Variants in ARSB observed in about 807,000 individuals in gnomAD.
The protein encoded by ARSB is arylsulfatase B.
A neutral mutation model predicts 50.9 loss-of-function variants in ARSB; 41 were observed. The observed-to-expected ratio is 0.81, with a 90% CI of 0.63 to 1.04. ARSB has a LOEUF of 1.04. Ranked by LOEUF, ARSB falls within the 50% of genes least tolerant of loss-of-function variation. ARSB has a pLI of 0.00. For missense variants in ARSB, 672 were observed against 693.3 expected, an observed-to-expected ratio of 0.97 and a Z score of 0.35; for synonymous variants, 269 against 284.8, an observed-to-expected ratio of 0.94 and a Z score of 0.56.
intron 4 of ARSB, among the ~76,000 whole-genome samples, chr5:78,950,716 G>A (rs1751460104): frequency 6.6e-6 from 1 of 152,142 alleles, no homozygotes; most frequent in African/African-American, 2.4e-5. Flanking sequence ...AACTCTGTGA[G>A]GTGTATGCAT....
intron 4 of ARSB, among the ~76,000 whole-genome samples, chr5:78,890,251 CTTTT>C (rs55797488): frequency 5.9e-5 from 8 of 134,884 alleles, no homozygotes; most frequent in Non-Finnish European, 4.8e-5. Flanking sequence ...CAAATCTTAT[CTTTT>C]TTTTTTTTTT....
At chr5:78,934,765 C>T (rs181538877) in intron 4 of ARSB, among the ~76,000 whole-genome samples, 5 of 151,924 alleles carry the variant, frequency 3.3e-5, no homozygotes, top group East Asian at 3.9e-4. Flanking sequence ...CACTGCACTA[C>T]GGCCTGGGTG....
At chr5:78,823,841 G>A (rs1744329822) in intron 6 of ARSB, among the ~76,000 whole-genome samples, 1 of 152,190 alleles carries the variant, frequency 6.6e-6, no homozygotes, top group South Asian at 2.1e-4. Flanking sequence ...AATGTAAATT[G>A]CTATACAACT....
intron 7 of ARSB, 62 bp from the exon 8 acceptor site, chr5:78,780,724 G>A: frequency 6.3e-7 from 1 of 1,599,926 alleles, no homozygotes; most frequent in Middle Eastern, 1.7e-4. Context: ...CTAATTTCAG[G>A]GAAGGAGTCT....
chr5:78,841,319 G>A (rs916316676), intron 5 of ARSB, among the ~76,000 whole-genome samples: 3 of 152,052 alleles, frequency 2.0e-5, no homozygotes, highest in African/African-American at 4.8e-5. Context: ...GACAAAGTGA[G>A]ACTCTGTCTT....
chr5:78,841,509 C>A (rs1745213130), intron 5 of ARSB, among the ~76,000 whole-genome samples: 1 of 151,920 alleles, frequency 6.6e-6, no homozygotes, highest in Non-Finnish European at 1.5e-5. Context: ...ATTTTTAGGG[C>A]AACTATTAAA....
chr5:78,867,127 T>C (rs10755301), intron 5 of ARSB, among the ~76,000 whole-genome samples: 94,107 of 151,678 alleles, frequency 0.62, 29,576 homozygotes, highest in Middle Eastern at 0.67. Flanking sequence ...AAAAACGGCG[T>C]ACCACGAGAC....
intron 4 of ARSB, among the ~76,000 whole-genome samples, chr5:78,940,872 G>A (rs1460538309): frequency 1.3e-5 from 2 of 152,132 alleles, no homozygotes; most frequent in Non-Finnish European, 2.9e-5. Context: ...AATTACCTTG[G>A]GCAGTATGGC....
chr5:78,901,157 T>G (rs1332430467), intron 4 of ARSB, among the ~76,000 whole-genome samples: 3 of 152,004 alleles, frequency 2.0e-5, no homozygotes, highest in Non-Finnish European at 4.4e-5. Context: ...CCGATTGCAC[T>G]GGTCCAACCA....
intron 6 of ARSB, among the ~76,000 whole-genome samples, chr5:78,830,553 G>A (rs369461021): frequency 2.4e-4 from 37 of 152,216 alleles, no homozygotes; most frequent in African/African-American, 7.5e-4. Context: ...GTATTTTCTC[G>A]GGATGAAAGC....
chr5:78,832,881 G>C (rs748117694), intron 6 of ARSB, among the ~76,000 whole-genome samples: 9 of 152,140 alleles, frequency 5.9e-5, no homozygotes, highest in Non-Finnish European at 1.2e-4. Context: ...TGTGTCTCCT[G>C]TGTGTGCGTA....
chr5:78,840,828 C>T (rs563362314), intron 5 of ARSB, among the ~76,000 whole-genome samples: 4 of 152,184 alleles, frequency 2.6e-5, no homozygotes, highest in Non-Finnish European at 5.9e-5. Context: ...CATTTTCTTT[C>T]GGAGACACTT....
At chr5:78,900,506 G>A (rs1350742783) in intron 4 of ARSB, among the ~76,000 whole-genome samples, 2 of 152,104 alleles carry the variant, frequency 1.3e-5, no homozygotes, top group Non-Finnish European at 2.9e-5. Context: ...AGAATGTAGG[G>A]GAGGGGACTC....
In ARSB at chr5:78,778,233, A is replaced by T. The variant is rs950647700; in HGVS notation, c.*2164T>A. On this transcript the variant is annotated 3_prime_UTR_variant, in exon 8 of 8. Transcript: ENST00000264914. The stretch of plus-strand genomic sequence containing the variant: ...TTCATGCTGTCGGCCATACACTTCC[A>T]AGTGGGAGGTGATGGCAGTTTGGTC... 1.3e-5 allele frequency: 2 copies of T among 152,192 alleles called. No homozygotes were observed. The highest frequency in any genetic ancestry group is 6.5e-5 in the Admixed American group (1 of 15,272). 9.4% of individuals were successfully genotyped at this position (152,192 alleles called of 1,614,324 possible).
chr5:78,969,261 C>G (rs945101456), intron 1 of ARSB, 69 bp from the exon 2 acceptor site: 32 of 1,521,344 alleles, frequency 2.1e-5, no homozygotes, highest in East Asian at 9.0e-5. Context: ...GATAAAATGG[C>G]CTTCTACCTT....
intron 5 of ARSB, among the ~76,000 whole-genome samples, chr5:78,876,869 C>T (rs1053749379): frequency 2.0e-5 from 3 of 152,196 alleles, no homozygotes; most frequent in African/African-American, 7.2e-5. Flanking sequence ...AGTGGCAGCA[C>T]TAAATCCTCA....
At chr5:78,787,098 C>CTATT (rs1749102647) in intron 6 of ARSB, among the ~76,000 whole-genome samples, 1 of 147,206 alleles carries the variant, frequency 6.8e-6, no homozygotes, top group African/African-American at 2.6e-5. Flanking sequence ...AACCATCTAT[C>CTATT]TATCTATCTA....
chr5:78,953,064 T>C lies in ARSB; in HGVS notation c.898+2231A>G, dbSNP rs1216280969. Among the ~76,000 whole-genome samples the C allele has an allele frequency of 3.9e-5, 6 of 152,378 alleles. 1 individual carries two copies. Among genetic ancestry groups the C allele is most frequent in the Non-Finnish European group, 8.8e-5 (6 of 68,034 alleles). ...AGAGATCTTGTTAAGGGCTGAAATA[T>C]GTCTACCTTTTTTTTCTGAAGAGTA... is the stretch of plus-strand genomic sequence containing the variant. On this transcript the variant is annotated intron_variant, in intron 4 of 7. Transcript: ENST00000264914.
chr5:78,813,504 T>C (rs148195451), intron 6 of ARSB, among the ~76,000 whole-genome samples: 4,365 of 152,258 alleles, frequency 0.029, 166 homozygotes, highest in Admixed American at 0.12. Context: ...ACACCTGTAA[T>C]CCCAACACTT....
Sources: allele counts gnomAD v4.1 joint callset (sites outside exome capture counted in the v4.1 genomes callset), GRCh38; gene constraint gnomAD v4.1.1; transcripts MANE v1.5; gene names NCBI Gene and HGNC (gene_info 2026-07-23, HGNC 2026-07-21).